Variants in SFT2D2 observed in about 807,000 individuals in gnomAD.
The protein encoded by SFT2D2 is SFT2 domain containing 2.
Under a neutral mutation model 27.4 loss-of-function variants are expected in SFT2D2, and 21 were observed. The ratio of observed to expected loss-of-function variants is 0.77; its 90% CI spans 0.54 to 1.10. SFT2D2 has a LOEUF of 1.10. Among genes scored for constraint, SFT2D2 ranks in the 50% least tolerant of loss-of-function variants. The probability of loss-of-function intolerance (pLI) is 0.00; values close to 1 mark genes in which losing one functional copy is unlikely to be tolerated. For synonymous variants in SFT2D2, 72 were observed against 71.7 expected, an observed-to-expected ratio of 1.00 and a Z score of -0.02; for missense variants, 187 against 194.2, an observed-to-expected ratio of 0.96 and a Z score of 0.22.
Position 168,250,941 on chromosome 1 carries a change from C to T in SFT2D2, c.*8401C>T, listed in dbSNP as rs1388513200. On this transcript the variant is annotated 3_prime_UTR_variant, in exon 8 of 8. Transcript: ENST00000271375. ...TTGTGAATTATCTGCCTGAGTGCCA[C>T]TTCCCTTCCACCCTAATCACTGCAG... is the stretch of plus-strand genomic sequence containing the variant. The T allele has an allele frequency of 6.6e-6, 1 of 152,186 alleles. No homozygotes were observed. Among genetic ancestry groups the T allele is most frequent in the African/African-American group, 2.4e-5 (1 of 41,432 alleles). 9.4% of individuals were successfully genotyped at this position (152,186 alleles called of 1,614,324 possible).
rs767929254 is a variant in SFT2D2 at position 168,231,857 on chromosome 1, C to A, written c.174C>A (p.Pro58=). The change falls in exon 3 of 8, where the codon CCC becomes CCA. Residue 58 remains proline (P), a synonymous_variant. Coordinates refer to ENST00000271375, the MANE Select transcript of SFT2D2 (RefSeq NM_199344.3). ...AGGGTACTGTTCTGCTGTGGGTGCC[C>A]AGGAAGGGACTACACCTCTTCGCAG... is the stretch of plus-strand genomic sequence containing the variant. ...SLLGTVLLWV[P]RKGLHLFAVF... 5 of 1,614,090 alleles carry A rather than the reference C, an allele frequency of 3.1e-6. No homozygotes were observed. The highest frequency in any genetic ancestry group is 4.2e-6 in the Non-Finnish European group (5 of 1,180,008).
In SFT2D2 at chr1:168,236,614, C is replaced by T; in HGVS notation, c.344C>T (p.Ser115Phe). The change falls in exon 5 of 8, where the codon TCT (serine) becomes TTT (phenylalanine). Residue 115 changes from serine to phenylalanine, a missense_variant. Ser to Phe is a radical substitution (Grantham distance 155). Coordinates refer to ENST00000271375, the MANE Select transcript of SFT2D2 (RefSeq NM_199344.3). The part of the protein sequence containing the change: ...VLLCFALTLC[S>F]AFWWHNKGLA... ...TTGTGTTTTGCACTTACCCTGTGTT[C>T]TGCCTTTTGGGTAAATGTATATTTT... 1 of 1,613,346 alleles carries T rather than the reference C, an allele frequency of 6.2e-7. No homozygotes were observed. The highest frequency in any genetic ancestry group is 1.1e-5 in the South Asian group (1 of 91,044).
In SFT2D2 at chr1:168,251,207, G is replaced by T. The variant is rs941109915; in HGVS notation, c.*8667G>T. ...TGCGCCTATAATCCCAGCTACTTGG[G>T]AGGGAGGCTGAGGCACAAGAATTGC... On this transcript the variant is annotated 3_prime_UTR_variant, in exon 8 of 8. Transcript: ENST00000271375. 6.6e-6 allele frequency: 1 copy of T among 152,092 alleles called. No homozygotes were observed. The highest frequency in any genetic ancestry group is 1.5e-5 in the Non-Finnish European group (1 of 68,030). 9.4% of individuals were successfully genotyped at this position (152,092 alleles called of 1,614,324 possible).
intron 1 of SFT2D2, among the ~76,000 whole-genome samples, chr1:168,226,893 C>G (rs1558173920): frequency 6.6e-6 from 1 of 152,120 alleles, no homozygotes; most frequent in Non-Finnish European, 1.5e-5. Flanking sequence ...GATCTTGGCT[C>G]ACTGCAGCCT....
At chr1:168,235,930 T>C (rs1401090764) in intron 4 of SFT2D2, among the ~76,000 whole-genome samples, 1 of 152,242 alleles carries the variant, frequency 6.6e-6, no homozygotes, top group Non-Finnish European at 1.5e-5. Context: ...ATTTCCTGTT[T>C]ATTTTGTGTC....
At chr1:168,230,052 T>C (rs75452915) in intron 1 of SFT2D2, among the ~76,000 whole-genome samples, 2,169 of 152,274 alleles carry the variant, frequency 0.014, 58 homozygotes, top group African/African-American at 0.05. Flanking sequence ...TAACCTGACC[T>C]AAATACCTTT....
rs1019070838 is a variant in SFT2D2, at chr1:168,248,781, A to G, written c.*6241A>G. The G allele has an allele frequency of 1.4e-4, 21 of 152,202 alleles. No individual in the cohort carries two copies. Among genetic ancestry groups the G allele is most frequent in the African/African-American group, 5.1e-4 (21 of 41,450 alleles). The allele number at this position is 152,202 out of a possible 1,614,324, so 9.4% of individuals were successfully genotyped here. ...CAATTTCAGAACTTGTTATTGGTCT[A>G]TTCAGGAACTCGACTTCTTCCTGGT... On this transcript the variant is annotated 3_prime_UTR_variant, in exon 8 of 8. Coordinates refer to ENST00000271375, the MANE Select transcript of SFT2D2 (RefSeq NM_199344.3).
Position 168,246,597 on chromosome 1 carries a change from A to G in SFT2D2, c.*4057A>G. On this transcript the variant is annotated 3_prime_UTR_variant, in exon 8 of 8. Coordinates refer to ENST00000271375, the MANE Select transcript of SFT2D2 (RefSeq NM_199344.3). ...CATGAGAATTCAAATTTTCCTGTAA[A>G]TGACGCAATTTATCTACTGTGCCCT... 3.3e-6 allele frequency: 5 copies of G among 1,497,776 alleles called. No homozygotes were observed. The highest frequency in any genetic ancestry group is 2.4e-5 in the East Asian group (1 of 41,354). 92.8% of individuals were successfully genotyped at this position (1,497,776 alleles called of 1,614,324 possible).
chr1:168,231,611 C>A lies in SFT2D2; in HGVS notation c.150+11C>A. ...CTCTGCTCACTGCTGGTAAGATTTCCCTTCCTCCTCTGTCTTTTCCTTCTA... is the reference window on the plus strand; with the variant it reads ...CTCTGCTCACTGCTGGTAAGATTTCACTTCCTCCTCTGTCTTTTCCTTCTA... On this transcript the variant is annotated intron_variant, in intron 2 of 7. Coordinates refer to ENST00000271375, the MANE Select transcript of SFT2D2 (RefSeq NM_199344.3). 1.9e-6 allele frequency: 3 copies of A among 1,611,732 alleles called. No individual in the cohort carries two copies. In the African/African-American group the frequency reaches 4.0e-5, roughly 22 times the overall value.
intron 3 of SFT2D2, 59 bp from the exon 4 acceptor site, chr1:168,235,042 T>G: frequency 6.9e-7 from 1 of 1,458,304 alleles, no homozygotes; most frequent in Non-Finnish European, 9.6e-7. Context: ...GGGAGGCGAC[T>G]CAGTGTGCCT....
intron 6 of SFT2D2, among the ~76,000 whole-genome samples, chr1:168,237,875 T>A (rs62913460): frequency 9.2e-4 from 137 of 148,692 alleles, no homozygotes; most frequent in East Asian, 2.5e-3. Flanking sequence ...TTTTTTTTTT[T>A]AAATGACATG....
At chr1:168,235,334 A>G in intron 4 of SFT2D2, 152 bp downstream of exon 4, 1 of 749,424 alleles carries the variant, frequency 1.3e-6, no homozygotes, top group Non-Finnish European at 2.3e-6. Flanking sequence ...AGAAGGGAAC[A>G]CTCTAAGTAA....
intron 1 of SFT2D2, 116 bp downstream of exon 1, chr1:168,226,258 C>T: frequency 1.2e-6 from 1 of 832,042 alleles, no homozygotes; most frequent in African/African-American, 1.8e-5. Context: ...AGCTCTGCCC[C>T]TTCTCCTCCT....
chr1:168,242,600 T>A lies in SFT2D2; in HGVS notation c.*60T>A. ...TATGGACAGAAGCTGGTGGACAGTT[T>A]TGTAACTATCTTCGAAACCTCTGTC... On this transcript the variant is annotated 3_prime_UTR_variant, in exon 8 of 8. Transcript: ENST00000271375. 1 of 1,595,762 alleles carries A rather than the reference T, an allele frequency of 6.3e-7. No individual in the cohort carries two copies.
chr1:168,251,930 A>G lies in SFT2D2; in HGVS notation c.*9390A>G, dbSNP rs978888478. ...ATTGTGTGACTTTACCTTCTGGTTAATAGTTTTATAGTTAAGAAGAAAGTC... is the reference window on the plus strand; with the variant it reads ...ATTGTGTGACTTTACCTTCTGGTTAGTAGTTTTATAGTTAAGAAGAAAGTC... On this transcript the variant is annotated 3_prime_UTR_variant, in exon 8 of 8. Transcript: ENST00000271375. The G allele has an allele frequency of 1.3e-5, 2 of 152,132 alleles. No individual in the cohort carries two copies. Among genetic ancestry groups the G allele is most frequent in the Non-Finnish European group, 2.9e-5 (2 of 68,010 alleles). The allele number at this position is 152,132 out of a possible 1,614,324, so 9.4% of individuals were successfully genotyped here. A position where few individuals can be genotyped will look rare whatever the true frequency, so the allele number is the denominator to read the frequency against.
rs1472099333 is a variant in SFT2D2 at position 168,249,915 on chromosome 1, A to G, written c.*7375A>G. On this transcript the variant is annotated 3_prime_UTR_variant, in exon 8 of 8. Transcript: ENST00000271375. ...AGTGAATGTCTCCGATCATTAATTT[A>G]TTTAACAAATACTTATCTAGTACTA... 1.3e-5 allele frequency: 2 copies of G among 152,190 alleles called. No individual in the cohort carries two copies. Among genetic ancestry groups the G allele is most frequent in the Non-Finnish European group, 2.9e-5 (2 of 68,038 alleles). The allele number at this position is 152,190 out of a possible 1,614,324, so 9.4% of individuals were successfully genotyped here.
rs1647681462 is a variant in SFT2D2, at chr1:168,242,694, T to G, written c.*154T>G. ...GATTCGAACATTTGAGGGTTACTTT[T>G]GGAAGCAACAATACATTCTCGAACC... On this transcript the variant is annotated 3_prime_UTR_variant, in exon 8 of 8. Coordinates refer to ENST00000271375, the MANE Select transcript of SFT2D2 (RefSeq NM_199344.3). 5 of 888,550 alleles carry G rather than the reference T, an allele frequency of 5.6e-6. No individual in the cohort carries two copies. The Admixed American group carries it at 7.7e-5, about 14-fold the overall frequency. 55.0% of individuals were successfully genotyped at this position (888,550 alleles called of 1,614,324 possible).
chr1:168,246,679 G>T lies in SFT2D2; in HGVS notation c.*4139G>T. ...GTGACTTTGATCATGATCATGTAGA[G>T]CAACATTCAGTCTACGATGGTATGA... On this transcript the variant is annotated 3_prime_UTR_variant, in exon 8 of 8. Coordinates refer to ENST00000271375, the MANE Select transcript of SFT2D2 (RefSeq NM_199344.3). The T allele has an allele frequency of 1.7e-6, 2 of 1,168,388 alleles. No individual in the cohort carries two copies. The highest frequency in any genetic ancestry group is 2.5e-6 in the Non-Finnish European group (2 of 795,550). 72.4% of individuals were successfully genotyped at this position (1,168,388 alleles called of 1,614,324 possible). A position where few individuals can be genotyped will look rare whatever the true frequency, so the allele number is the denominator to read the frequency against.
chr1:168,236,311 G>C (rs926714420), intron 4 of SFT2D2, among the ~76,000 whole-genome samples: 9 of 152,208 alleles, frequency 5.9e-5, no homozygotes, highest in Admixed American at 3.9e-4. Context: ...ATGGATGGAC[G>C]GATGAATGGG....
Sources: allele counts gnomAD v4.1 joint callset (sites outside exome capture counted in the v4.1 genomes callset), GRCh38; gene constraint gnomAD v4.1.1; transcripts MANE v1.5; gene names NCBI Gene and HGNC (gene_info 2026-07-23, HGNC 2026-07-21).